Variants in SLC16A7 observed in about 807,000 individuals in gnomAD.
SLC16A7 encodes the protein monocarboxylate transporter 2.
Under a neutral mutation model 34.9 loss-of-function variants are expected in SLC16A7, and 33 were observed. The ratio of observed to expected loss-of-function variants is 0.94; its 90% CI spans 0.72 to 1.26. The LOEUF is 1.26. Among genes scored for constraint, SLC16A7 ranks in the 50% most tolerant of loss-of-function variants. SLC16A7 has a pLI of 0.00. For synonymous variants in SLC16A7, 201 were observed against 206.6 expected (o/e 0.97, Z 0.23); for missense variants, 573 against 578.1 (o/e 0.99, Z 0.09).
chr12:59,644,041 T>C (rs1213229199), intron 1 of SLC16A7, among the ~76,000 whole-genome samples: 1 of 152,214 alleles, frequency 6.6e-6, no homozygotes, highest in Admixed American at 6.5e-5. Context: ...ATCGGAAATA[T>C]GGATACAGCA....
At chr12:59,740,813 C>G (rs1413979623) in intron 3 of SLC16A7, among the ~76,000 whole-genome samples, 1 of 152,034 alleles carries the variant, frequency 6.6e-6, no homozygotes, top group African/African-American at 2.4e-5. Flanking sequence ...TAGAAAACCC[C>G]AATGTCTCAG....
At position 59,775,420 on chromosome 12, in the gene SLC16A7, C is replaced by T. The variant is rs749550792; in HGVS notation, c.1125C>T (p.Val375=). The change falls in exon 5 of 6, where the codon GTC becomes GTT. Residue 375 remains valine, a synonymous_variant. Coordinates refer to ENST00000547379, the MANE Select transcript of SLC16A7 (RefSeq NM_001270623.2). The stretch of plus-strand genomic sequence containing the variant: ...GTGCACCAAGATTTTCCAGTGCCGT[C>T]GGACTTGTCACAATTGTGGAGTGTG... ...LVGAPRFSSA[V]GLVTIVECGP... The T allele has an allele frequency of 9.9e-6, 16 of 1,613,952 alleles. No homozygotes were observed. In the East Asian group the frequency reaches 2.2e-4, roughly 22 times the overall value.
At chr12:59,716,367 CTCT>C (rs139067935) in intron 3 of SLC16A7, among the ~76,000 whole-genome samples, 5,183 of 152,268 alleles carry the variant, frequency 0.034, 119 homozygotes, top group Middle Eastern at 0.068. Flanking sequence ...TCAGATTCAT[CTCT>C]TCTTCTTATA....
At chr12:59,636,882 G>A (rs1389112991) in intron 1 of SLC16A7, among the ~76,000 whole-genome samples, 1 of 152,114 alleles carries the variant, frequency 6.6e-6, no homozygotes, top group Non-Finnish European at 1.5e-5. Context: ...CATGTAGTAT[G>A]TAGATTATGA....
intron 2 of SLC16A7, among the ~76,000 whole-genome samples, chr12:59,659,251 G>T (rs142155015): frequency 0.013 from 1,944 of 152,042 alleles, 40 homozygotes; most frequent in African/African-American, 0.044. Context: ...ATGGGAAAGT[G>T]AATATTTAAA....
intron 2 of SLC16A7, among the ~76,000 whole-genome samples, chr12:59,693,279 G>T (rs941983458): frequency 6.6e-6 from 1 of 151,842 alleles, no homozygotes; most frequent in African/African-American, 2.4e-5. Context: ...ATGGAATATT[G>T]GTAAGACTTC....
chr12:59,645,409 G>C (rs758064861), intron 1 of SLC16A7, among the ~76,000 whole-genome samples: 48 of 152,128 alleles, frequency 3.2e-4, no homozygotes, highest in African/African-American at 1.0e-3. Flanking sequence ...TCTTATGATA[G>C]TAAATGAGTT....
chr12:59,649,346 GT>G (rs1288360603), intron 1 of SLC16A7, among the ~76,000 whole-genome samples: 1 of 152,196 alleles, frequency 6.6e-6, no homozygotes, highest in Admixed American at 6.5e-5. Flanking sequence ...AAGAGGATTA[GT>G]GATTAGAGGA....
At chr12:59,602,647 CTAAT>C (rs1234743139) in intron 1 of SLC16A7, among the ~76,000 whole-genome samples, 2 of 151,788 alleles carry the variant, frequency 1.3e-5, no homozygotes, top group Admixed American at 1.3e-4. Context: ...TCACGTCTGG[CTAAT>C]TTTTTGTATT....
intron 3 of SLC16A7, chr12:59,733,770 G>A (rs1242282460): frequency 6.6e-6 from 3 of 455,934 alleles, no homozygotes; most frequent in Non-Finnish European, 1.3e-5. Context: ...TGGACAACCG[G>A]AGAGCGAGCA....
At chr12:59,717,058 A>C (rs1874991511) in intron 3 of SLC16A7, among the ~76,000 whole-genome samples, 1 of 152,168 alleles carries the variant, frequency 6.6e-6, no homozygotes, top group Non-Finnish European at 1.5e-5. Flanking sequence ...CAAACAACAG[A>C]TGGTTGCTTA....
chr12:59,600,553 G>C (rs1446915340), intron 1 of SLC16A7, among the ~76,000 whole-genome samples: 1 of 152,000 alleles, frequency 6.6e-6, no homozygotes, highest in Non-Finnish European at 1.5e-5. Flanking sequence ...CTATGTGAGA[G>C]ATCCAGCTGT....
At chr12:59,750,305 C>T (rs998464782) in intron 3 of SLC16A7, among the ~76,000 whole-genome samples, 12 of 152,018 alleles carry the variant, frequency 7.9e-5, no homozygotes, top group African/African-American at 2.9e-4. Context: ...AAAGATTTTG[C>T]AATCTATCCA....
At position 59,781,296 on chromosome 12, in the gene SLC16A7, A is replaced by C. The variant is rs931465691; in HGVS notation, c.*1617A>C. ...ATCTGAAGTTTAACATGATTAATTT[A>C]AAAAGTATTTAGTGCTTGACAAAGT... On this transcript the variant is annotated 3_prime_UTR_variant, in exon 6 of 6. Transcript: ENST00000547379. The C allele has an allele frequency of 1.1e-4, 17 of 152,270 alleles. No homozygotes were observed. The highest frequency in any genetic ancestry group is 4.1e-4 in the African/African-American group (17 of 41,172). The allele number at this position is 152,270 out of a possible 1,614,324, so 9.4% of individuals were successfully genotyped here.
At position 59,676,360 on chromosome 12, in the gene SLC16A7, A is replaced by G. The variant is rs1870312810; in HGVS notation, c.-31+21110A>G. Among the ~76,000 whole-genome samples, 7 of 152,286 alleles carry G rather than the reference A, an allele frequency of 4.6e-5. 1 individual carries two copies. The South Asian group carries it at 1.4e-3, about 32-fold the overall frequency. Reference sequence around the variant, plus strand: ...ATTTTAAATTGAACTTTTATTTTTTAAAGTACAATTATTTTTAGGATGCTG... The same window carrying G: ...ATTTTAAATTGAACTTTTATTTTTTGAAGTACAATTATTTTTAGGATGCTG... On this transcript the variant is annotated intron_variant, in intron 2 of 5. Coordinates refer to ENST00000547379, the MANE Select transcript of SLC16A7 (RefSeq NM_001270623.2).
chr12:59,698,222 A>G (rs931940245), intron 2 of SLC16A7, among the ~76,000 whole-genome samples: 1 of 151,808 alleles, frequency 6.6e-6, no homozygotes, highest in African/African-American at 2.4e-5. Flanking sequence ...AATTTATAGA[A>G]TATTAACTAG....
rs375724329 is a variant in SLC16A7 at position 59,779,290 on chromosome 12, T to C, written c.1181-133T>C. 1,137 of 665,960 alleles carry C rather than the reference T, an allele frequency of 1.7e-3. 12 individuals are homozygous for C. In the South Asian group the frequency reaches 0.02, roughly 11 times the overall value. The allele number at this position is 665,960 out of a possible 1,614,324, so 41.3% of individuals were successfully genotyped here. On this transcript the variant is annotated intron_variant, in intron 5 of 5. Transcript: ENST00000547379. ...ATATGTAGAAGTCATAATCTAGATT[T>C]TTTTATTTTTAAAGTCTTATTTGAC... is the stretch of plus-strand genomic sequence containing the variant.
intron 3 of SLC16A7, among the ~76,000 whole-genome samples, chr12:59,762,639 A>G (rs1156389349): frequency 6.6e-6 from 1 of 152,050 alleles, no homozygotes; most frequent in Non-Finnish European, 1.5e-5. Context: ...TAAAACAACA[A>G]TGGAATCTCA....
chr12:59,629,580 G>A (rs1242908956), intron 1 of SLC16A7, among the ~76,000 whole-genome samples: 1 of 151,920 alleles, frequency 6.6e-6, no homozygotes, highest in Admixed American at 6.6e-5. Context: ...TTAAATGGAA[G>A]TGGTAGACTC....
Sources: gnomAD v4.1 joint callset for allele counts (sites outside exome capture counted in the v4.1 genomes callset) on GRCh38, gnomAD v4.1.1 for gene constraint, MANE v1.5 for transcripts, NCBI Gene and HGNC (gene_info 2026-07-23, HGNC 2026-07-21) for gene names.